CROCC2: variants seen among roughly 807,000 people sequenced by gnomAD.
CROCC2 encodes ciliary rootlet coiled-coil protein 2.
A neutral mutation model predicts 177.6 loss-of-function variants in CROCC2; 163 were observed. That is an observed-to-expected ratio of 0.92 (90% CI 0.81 to 1.05). The LOEUF is 1.05. Ranked by LOEUF, CROCC2 falls within the 50% of genes least tolerant of loss-of-function variation. The probability of loss-of-function intolerance (pLI) is 0.00; values close to 1 mark genes in which losing one functional copy is unlikely to be tolerated. For missense variants in CROCC2, 1,929 were observed against 1,797.8 expected (o/e 1.07, Z -1.32); for synonymous variants, 904 against 787.3 (o/e 1.15, Z -2.48).
chr2:240,910,562 C>T (rs1190996189), intron 1 of CROCC2, among the ~76,000 whole-genome samples: 2 of 152,150 alleles, frequency 1.3e-5, no homozygotes, highest in African/African-American at 4.8e-5. Context: ...CAGGGGTTTC[C>T]CAGGACTCCA....
Position 240,949,838 on chromosome 2 carries a change from C to T in CROCC2, c.2652+136C>T, listed in dbSNP as rs1287760668. The T allele has an allele frequency of 2.2e-6, 2 of 899,954 alleles. No individual in the cohort carries two copies. Among genetic ancestry groups the T allele is most frequent in the Admixed American group, 2.9e-5 (1 of 34,408 alleles). 55.7% of individuals were successfully genotyped at this position (899,954 alleles called of 1,614,324 possible). Reference sequence around the variant, plus strand: ...CGCCTGGCCAGGGCTGGGCAAGGACCAGCTCACTCTTTATAGTTCACGTGG... The same window carrying T: ...CGCCTGGCCAGGGCTGGGCAAGGACTAGCTCACTCTTTATAGTTCACGTGG... On this transcript the variant is annotated intron_variant, in intron 17 of 31. Coordinates refer to ENST00000690015, the MANE Select transcript of CROCC2 (RefSeq NM_001351305.2). The surrounding 1 kb of genome is among the most constrained non-coding windows in gnomAD (Gnocchi z 4.5).
chr2:240,919,064 TC>T (rs2059340207), intron 2 of CROCC2, among the ~76,000 whole-genome samples, 188 bp downstream of exon 2: 4 of 133,360 alleles, frequency 3.0e-5, no homozygotes, highest in African/African-American at 1.1e-4. Flanking sequence ...TGGGGGACGG[TC>T]CTGGGCCCGG....
chr2:240,954,375 T>G (rs768208117), intron 18 of CROCC2, among the ~76,000 whole-genome samples: 65 of 152,182 alleles, frequency 4.3e-4, no homozygotes, highest in Non-Finnish European at 8.2e-4. Context: ...ACTACAAGTG[T>G]GGGGGTTCCC....
intron 18 of CROCC2, among the ~76,000 whole-genome samples, chr2:240,952,657 G>A (rs1238133750): frequency 6.6e-6 from 1 of 152,246 alleles, no homozygotes; most frequent in Non-Finnish European, 1.5e-5. Flanking sequence ...ATGGCATGAA[G>A]TTCTGCACAG....
At chr2:240,911,370 C>G (rs1408306748) in intron 1 of CROCC2, among the ~76,000 whole-genome samples, 1 of 148,064 alleles carries the variant, frequency 6.8e-6, no homozygotes, top group Non-Finnish European at 1.5e-5. Context: ...GATCTCGGCT[C>G]ACAGCAGCCT....
intron 18 of CROCC2, among the ~76,000 whole-genome samples, chr2:240,952,665 C>T (rs551858707): frequency 2.6e-5 from 4 of 152,352 alleles, no homozygotes; most frequent in African/African-American, 9.6e-5. Context: ...AAGTTCTGCA[C>T]AGCTGCCAGG....
At chr2:240,959,194 C>T (rs908217843) in intron 19 of CROCC2, 107 bp from the exon 20 acceptor site, 6 of 1,317,550 alleles carry the variant, frequency 4.6e-6, no homozygotes, top group East Asian at 2.7e-5. Context: ...CCGGCTCCCC[C>T]TCCCAGGCCA....
At position 240,933,852 on chromosome 2, in the gene CROCC2, G is replaced by C; in HGVS notation, c.1646G>C (p.Ser549Thr). ...CGGAGCTGCAGGGCACTGGAGACCAGGTGCGCGGCCGTGGCTGGGTGGGCA... is the reference window on the plus strand; with the variant it reads ...CGGAGCTGCAGGGCACTGGAGACCACGTGCGCGGCCGTGGCTGGGTGGGCA... ...RERSCRALET[S>T]QGRLQQLEEK... Residue 549 changes from serine (S) to threonine (T), a missense_variant and splice_region_variant, in exon 11 of 32, where the codon AGT (serine) becomes ACT (threonine). Transcript: ENST00000690015. The C allele has an allele frequency of 6.5e-7, 1 of 1,542,858 alleles. No individual in the cohort carries two copies. Among genetic ancestry groups the C allele is most frequent in the Non-Finnish European group, 8.7e-7 (1 of 1,142,986 alleles).
intron 31 of CROCC2, among the ~76,000 whole-genome samples, chr2:240,991,658 T>C (rs74001750): frequency 0.061 from 9,335 of 152,160 alleles, 767 homozygotes; most frequent in East Asian, 0.29. Context: ...AGCAGGGGCT[T>C]GGGCATCCTC....
At chr2:240,989,515 C>A (rs2059862862) in intron 29 of CROCC2, 139 bp from the exon 30 acceptor site, 1 of 725,636 alleles carries the variant, frequency 1.4e-6, no homozygotes, top group Non-Finnish European at 2.2e-6. Context: ...GTCTGCTGGG[C>A]AGTCCTGGCC....
rs559293478 is a variant in CROCC2, at chr2:240,934,368, G to A, written c.1684G>A (p.Gly562Arg). Reference protein sequence around the residue: ...RLQQLEEKVSGLREELASVRE... With the variant: ...RLQQLEEKVSRLREELASVRE... ...GCAGCAGCTGGAGGAGAAGGTCTCC[G>A]GGCTCAGAGAGGAGCTGGCATCGGT... The change falls in exon 12 of 32, where the codon GGG becomes AGG. Residue 562 changes from glycine (G) to arginine (R), a missense_variant. By Grantham distance (125) the Gly-to-Arg change is moderately radical. This residue lies in a region of CROCC2 where 1,397 missense variants were observed against 1,239.9 expected (regional missense o/e 1.13). Coordinates refer to ENST00000690015, the MANE Select transcript of CROCC2 (RefSeq NM_001351305.2). The A allele has an allele frequency of 1.1e-5, 17 of 1,548,638 alleles. No homozygotes were observed. Among genetic ancestry groups the A allele is most frequent in the African/African-American group, 4.1e-5 (3 of 73,008 alleles).
intron 5 of CROCC2, 84 bp downstream of exon 5, chr2:240,925,964 G>T: frequency 1.6e-6 from 1 of 622,828 alleles, no homozygotes. Context: ...CATGGTGAGG[G>T]TGCACTGGCT....
intron 20 of CROCC2, among the ~76,000 whole-genome samples, chr2:240,963,107 CT>C (rs2059654320): frequency 6.6e-6 from 1 of 152,228 alleles, no homozygotes; most frequent in Non-Finnish European, 1.5e-5. Context: ...AGCCTGCCTG[CT>C]GAGGCTGCTG....
Position 240,949,518 on chromosome 2 carries a change from C to G in CROCC2, c.2483-15C>G, listed in dbSNP as rs1429148069. On this transcript the variant is annotated splice_polypyrimidine_tract_variant and intron_variant, in intron 16 of 31. Transcript: ENST00000690015. The surrounding 1 kb of genome is among the most constrained non-coding windows in gnomAD (Gnocchi z 4.5). ...ACATGCCAGGCCCTGGTGCATCTCACCCATCACCCCACAGTGGAAATGGAG... is the reference window on the plus strand; with the variant it reads ...ACATGCCAGGCCCTGGTGCATCTCAGCCATCACCCCACAGTGGAAATGGAG... 1.9e-6 allele frequency: 3 copies of G among 1,549,006 alleles called. No homozygotes were observed. In the East Asian group the frequency reaches 7.3e-5, roughly 38 times the overall value.
At chr2:240,966,972 G>A (rs970452037) in intron 25 of CROCC2, among the ~76,000 whole-genome samples, 3 of 152,014 alleles carry the variant, frequency 2.0e-5, no homozygotes, top group Non-Finnish European at 4.4e-5. Context: ...CCAGCCCCAG[G>A]GGGCAGGGTC....
In CROCC2 at chr2:240,938,822, A is replaced by G. The variant is rs938143941; in HGVS notation, c.2169+3234A>G. ...TCTAGATTTTTATATCATGAATTAT[A>G]TTACGGTTTTAATGTCATTTTCTTA... is the stretch of plus-strand genomic sequence containing the variant. On this transcript the variant is annotated intron_variant, in intron 14 of 31. Transcript: ENST00000690015. Among the ~76,000 whole-genome samples, 33 of 152,276 alleles carry G rather than the reference A, an allele frequency of 2.2e-4. 1 individual carries two copies. Among genetic ancestry groups the G allele is most frequent in the Admixed American group, 9.2e-4 (14 of 15,286 alleles).
intron 22 of CROCC2, 75 bp downstream of exon 22, chr2:240,964,700 G>GC: frequency 1.2e-5 from 18 of 1,469,470 alleles, no homozygotes; most frequent in African/African-American, 2.8e-5. Flanking sequence ...TCCCAGGGGA[G>GC]CCCCCAGCCC....
At chr2:240,911,365 C>T (rs1023485149) in intron 1 of CROCC2, among the ~76,000 whole-genome samples, 3 of 144,632 alleles carry the variant, frequency 2.1e-5, no homozygotes, top group Non-Finnish European at 3.0e-5. Flanking sequence ...GGTGCGATCT[C>T]GGCTCACAGC....
intron 27 of CROCC2, among the ~76,000 whole-genome samples, chr2:240,980,100 T>C (rs2059788244): frequency 2.9e-5 from 2 of 68,984 alleles, no homozygotes; most frequent in Non-Finnish European, 2.8e-5. Flanking sequence ...CCCAGGCTCA[T>C]CCCTGCTCAG....
Sources: gnomAD v4.1 joint callset for allele counts (sites outside exome capture counted in the v4.1 genomes callset) on GRCh38, gnomAD v4.1.1 for gene constraint, gnomAD v4.1.1 regional missense constraint, Gnocchi (gnomAD v3.1) non-coding constraint, MANE v1.5 for transcripts, NCBI Gene and HGNC (gene_info 2026-07-23, HGNC 2026-07-21) for gene names.